MAF: variants seen among roughly 807,000 people sequenced by gnomAD.
The protein encoded by MAF is MAF bZIP transcription factor.
MAF carries 10 observed loss-of-function variants against 22.0 expected under a neutral mutation model. That is an observed-to-expected ratio of 0.45 (90% confidence interval 0.28 to 0.77). MAF has a LOEUF of 0.77. MAF is among the 30% of genes least tolerant of loss of function. The probability of loss-of-function intolerance (pLI) is 0.12; values close to 1 mark genes in which losing one functional copy is unlikely to be tolerated. For missense variants in MAF, 544 were observed against 548.4 expected (o/e 0.99, Z 0.08); for synonymous variants, 337 against 255.8 (o/e 1.32, Z -3.03).
the MAF span, among the ~76,000 whole-genome samples, chr16:79,274,017 C>T: frequency 4.1e-5 from 6 of 146,058 alleles, no homozygotes; most frequent in South Asian, 4.4e-4. Flanking sequence ...TGCAAGGGCA[C>T]GATCTCGGCT....
the MAF span, among the ~76,000 whole-genome samples, chr16:79,370,432 G>C: frequency 6.6e-6 from 1 of 152,170 alleles, no homozygotes; most frequent in Non-Finnish European, 1.5e-5. Flanking sequence ...GTTCTGACTA[G>C]ATCTCAGCCT....
chr16:79,245,888 T>G, the MAF span, among the ~76,000 whole-genome samples: 4 of 152,088 alleles, frequency 2.6e-5, no homozygotes, highest in Admixed American at 2.0e-4. Flanking sequence ...TAAAAAAGGA[T>G]GAGTTCATGT....
the MAF span, among the ~76,000 whole-genome samples, chr16:79,236,905 C>T: frequency 2.7e-5 from 4 of 148,848 alleles, no homozygotes; most frequent in East Asian, 4.0e-4. Flanking sequence ...TTCTTTAGTG[C>T]TTCTACTTGA....
the MAF span, among the ~76,000 whole-genome samples, chr16:79,420,697 G>A: frequency 1.3e-5 from 2 of 152,124 alleles, no homozygotes; most frequent in African/African-American, 2.4e-5. Flanking sequence ...AGTCATCCGC[G>A]GTGAACCGCG....
chr16:79,342,487 A>C, the MAF span, among the ~76,000 whole-genome samples: 220 of 152,244 alleles, frequency 1.4e-3, no homozygotes, highest in South Asian at 2.3e-3. Context: ...TAAGGATTCC[A>C]AGAGGTGGCC....
chr16:79,337,715 A>T, the MAF span, among the ~76,000 whole-genome samples: 2 of 152,190 alleles, frequency 1.3e-5, no homozygotes, highest in African/African-American at 4.8e-5. Flanking sequence ...CAATACATAT[A>T]CACACAAGCA....
chr16:79,499,650 G>A, the MAF span, among the ~76,000 whole-genome samples: 2 of 152,206 alleles, frequency 1.3e-5, no homozygotes, highest in East Asian at 3.9e-4. Context: ...GAAGACACAG[G>A]TAGAAGGCAC....
At chr16:79,217,935 A>G in the MAF span, among the ~76,000 whole-genome samples, 4 of 135,050 alleles carry the variant, frequency 3.0e-5, no homozygotes, top group African/African-American at 1.1e-4. Flanking sequence ...TTGGCTTGCA[A>G]TATCACTGCC....
At chr16:79,348,657 G>T in the MAF span, among the ~76,000 whole-genome samples, 1 of 152,212 alleles carries the variant, frequency 6.6e-6, no homozygotes, top group African/African-American at 2.4e-5. Context: ...GGAAACAAAA[G>T]CATGGCTTGG....
the MAF span, among the ~76,000 whole-genome samples, chr16:79,402,692 C>T: frequency 2.0e-5 from 3 of 152,208 alleles, no homozygotes; most frequent in Non-Finnish European, 4.4e-5. Flanking sequence ...AACTGCTTGG[C>T]AGGGCAGGTT....
chr16:79,446,486 A>T, the MAF span, among the ~76,000 whole-genome samples: 13 of 152,160 alleles, frequency 8.5e-5, no homozygotes, highest in African/African-American at 3.1e-4. Context: ...GTGATAAATT[A>T]CATAATCACC....
the MAF span, among the ~76,000 whole-genome samples, chr16:79,207,699 C>T: frequency 1.2e-4 from 18 of 152,216 alleles, no homozygotes; most frequent in African/African-American, 4.3e-4. Flanking sequence ...AATAGAAAAA[C>T]CTGAAAGCAA....
chr16:79,335,450 T>C, the MAF span, among the ~76,000 whole-genome samples: 2 of 152,162 alleles, frequency 1.3e-5, no homozygotes, highest in Non-Finnish European at 2.9e-5. Flanking sequence ...TTGTATTCAA[T>C]TCAATTAAGC....
chr16:79,278,070 A>C, the MAF span, among the ~76,000 whole-genome samples: 10 of 152,198 alleles, frequency 6.6e-5, no homozygotes, highest in East Asian at 1.9e-3. Context: ...AAACATTATA[A>C]AACTGTACTA....
At chr16:79,427,762 C>T in the MAF span, among the ~76,000 whole-genome samples, 6 of 152,300 alleles carry the variant, frequency 3.9e-5, no homozygotes, top group South Asian at 1.2e-3. Flanking sequence ...GCCTCCATTA[C>T]ACCTAGTTGT....
the MAF span, among the ~76,000 whole-genome samples, chr16:79,374,567 C>G: frequency 6.6e-6 from 1 of 152,118 alleles, no homozygotes; most frequent in Admixed American, 6.5e-5. Context: ...TACAAAGCAT[C>G]CATTCAGCAA....
the MAF span, among the ~76,000 whole-genome samples, chr16:79,458,822 G>C: frequency 6.6e-6 from 1 of 152,150 alleles, no homozygotes; most frequent in Non-Finnish European, 1.5e-5. Context: ...CCTTTCTTGG[G>C]ACTTGTCTAG....
At chr16:79,442,353 C>T in the MAF span, among the ~76,000 whole-genome samples, 2 of 151,614 alleles carry the variant, frequency 1.3e-5, no homozygotes, top group African/African-American at 4.8e-5. Flanking sequence ...ACAGAATATC[C>T]TTTTATTTTA....
chr16:79,515,052 C>T, the MAF span, among the ~76,000 whole-genome samples: 1 of 152,332 alleles, frequency 6.6e-6, no homozygotes, highest in East Asian at 1.9e-4. Context: ...AACCTCCGCT[C>T]ACACCTTTGT....
Sources: allele counts gnomAD v4.1 joint callset (sites outside exome capture counted in the v4.1 genomes callset), GRCh38; gene constraint gnomAD v4.1.1; transcripts MANE v1.5; gene names NCBI Gene and HGNC (gene_info 2026-07-23, HGNC 2026-07-21).